DOCK10: variants seen among roughly 807,000 people sequenced by gnomAD.
DOCK10 encodes dedicator of cytokinesis 10.
Under a neutral mutation model 280.1 loss-of-function variants are expected in DOCK10, and 145 were observed. The ratio of observed to expected loss-of-function variants is 0.52; its 90% CI spans 0.45 to 0.59. The LOEUF is 0.59. DOCK10 is among the 20% of genes least tolerant of loss of function. The pLI, the probability that DOCK10 is intolerant of heterozygous loss-of-function variation, is 0.00. For synonymous variants in DOCK10, 915 were observed against 942.2 expected (o/e 0.97, Z 0.53); for missense variants, 2,368 against 2,651.7 (o/e 0.89, Z 2.35).
At chr2:224,999,248 CTCT>C (rs143251884) in intron 1 of DOCK10, among the ~76,000 whole-genome samples, 10,855 of 135,228 alleles carry the variant, frequency 0.08, 568 homozygotes, top group African/African-American at 0.22. Flanking sequence ...CTGTCTCTCT[CTCT>C]TTTTTTTTTT....
intron 1 of DOCK10, among the ~76,000 whole-genome samples, chr2:224,949,653 A>T (rs1220955404): frequency 6.6e-6 from 1 of 152,212 alleles, no homozygotes. Flanking sequence ...ATCAAGGTAG[A>T]ATGGTTAAAA....
At chr2:224,911,045 C>T (rs553829648) in intron 3 of DOCK10, among the ~76,000 whole-genome samples, 63 of 151,878 alleles carry the variant, frequency 4.1e-4, no homozygotes, top group African/African-American at 1.4e-3. Context: ...TCATGTTGCC[C>T]AAGAGAGTTG....
intron 1 of DOCK10, among the ~76,000 whole-genome samples, chr2:225,040,831 CT>C (rs2106151885): frequency 6.6e-6 from 1 of 152,274 alleles, no homozygotes; most frequent in African/African-American, 2.4e-5. Flanking sequence ...CTTATCTCTA[CT>C]TTTACTCGAA....
intron 14 of DOCK10, 129 bp downstream of exon 14, chr2:224,862,535 G>T: frequency 1.5e-6 from 1 of 684,972 alleles, no homozygotes. Context: ...TTATGAAGAT[G>T]ACCATATTAG....
chr2:224,991,099 G>A (rs1284161176), intron 1 of DOCK10, among the ~76,000 whole-genome samples: 10 of 152,326 alleles, frequency 6.6e-5, no homozygotes, highest in South Asian at 2.1e-4. Flanking sequence ...GGATGTCCCC[G>A]GTGAAGGCAG....
intron 48 of DOCK10, among the ~76,000 whole-genome samples, chr2:224,788,220 T>G (rs1443029776): frequency 6.6e-6 from 1 of 152,162 alleles, no homozygotes; most frequent in Non-Finnish European, 1.5e-5. Flanking sequence ...CTAAATTCTT[T>G]GAGAGCAGGA....
intron 2 of DOCK10, among the ~76,000 whole-genome samples, chr2:224,919,292 CAT>C (rs1701549493): frequency 7.0e-6 from 1 of 142,946 alleles, no homozygotes; most frequent in Non-Finnish European, 1.5e-5. Context: ...TGTCTGTACA[CAT>C]GTGAATGGGT....
chr2:224,816,592 A>G (rs1437062835), intron 30 of DOCK10, 25 bp downstream of exon 30: 39 of 1,359,158 alleles, frequency 2.9e-5, no homozygotes, highest in Non-Finnish European at 4.1e-5. Context: ...GCAGGAACTG[A>G]GGAAAATTCT....
chr2:224,935,157 G>T (rs1011954626), intron 1 of DOCK10, among the ~76,000 whole-genome samples: 1 of 152,138 alleles, frequency 6.6e-6, no homozygotes, highest in South Asian at 2.1e-4. Flanking sequence ...GCCCCAGGGT[G>T]GTAAAACTGT....
chr2:224,776,583 A>G (rs1344787452), intron 51 of DOCK10, among the ~76,000 whole-genome samples: 1 of 152,072 alleles, frequency 6.6e-6, no homozygotes, highest in East Asian at 1.9e-4. Context: ...CCCAGACTCA[A>G]GGATTTCATG....
At chr2:224,872,358 C>T (rs1698344014) in intron 11 of DOCK10, among the ~76,000 whole-genome samples, 1 of 152,174 alleles carries the variant, frequency 6.6e-6, no homozygotes, top group African/African-American at 2.4e-5. Context: ...TTGAAATAGG[C>T]ATTGTTATTA....
At chr2:224,875,162 C>T (rs1050125070) in intron 8 of DOCK10, among the ~76,000 whole-genome samples, 17 of 152,192 alleles carry the variant, frequency 1.1e-4, no homozygotes, top group African/African-American at 3.9e-4. Context: ...ACACTGTAAA[C>T]ATTAATACTA....
At chr2:224,836,062 G>C (rs970676498) in intron 25 of DOCK10, among the ~76,000 whole-genome samples, 20 of 152,258 alleles carry the variant, frequency 1.3e-4, no homozygotes, top group African/African-American at 4.6e-4. Flanking sequence ...AACACCGGAG[G>C]GTTCTTAATG....
At chr2:224,901,556 G>A (rs1036461861) in intron 3 of DOCK10, among the ~76,000 whole-genome samples, 1 of 152,308 alleles carries the variant, frequency 6.6e-6, no homozygotes, top group South Asian at 2.1e-4. Context: ...AAGTCAACAT[G>A]GTCAAAGGCT....
intron 55 of DOCK10, among the ~76,000 whole-genome samples, chr2:224,768,198 G>A (rs1690184747): frequency 6.6e-6 from 1 of 152,112 alleles, no homozygotes; most frequent in Non-Finnish European, 1.5e-5. Flanking sequence ...ATTACAGCAT[G>A]AGCCACCGTG....
chr2:224,969,067 T>A (rs888658647), intron 1 of DOCK10, among the ~76,000 whole-genome samples: 1 of 152,240 alleles, frequency 6.6e-6, no homozygotes, highest in African/African-American at 2.4e-5. Context: ...GCTGTTCAGC[T>A]GTGATTTTTT....
At chr2:224,945,354 T>A (rs1461321502) in intron 1 of DOCK10, among the ~76,000 whole-genome samples, 1 of 152,156 alleles carries the variant, frequency 6.6e-6, no homozygotes, top group Non-Finnish European at 1.5e-5. Context: ...AGGCTCTTAT[T>A]TCTGACCAAT....
intron 1 of DOCK10, among the ~76,000 whole-genome samples, chr2:225,021,712 G>T (rs1319545621): frequency 6.6e-6 from 1 of 152,116 alleles, no homozygotes; most frequent in Non-Finnish European, 1.5e-5. Flanking sequence ...GCAGGTTTTT[G>T]TTGTTGTTGT....
intron 1 of DOCK10, among the ~76,000 whole-genome samples, chr2:225,005,410 A>G (rs1044286146): frequency 1.3e-5 from 2 of 152,256 alleles, no homozygotes; most frequent in African/African-American, 4.8e-5. Flanking sequence ...ATTGGATTTT[A>G]TACTAGAGCA....
Sources: allele counts gnomAD v4.1 joint callset (sites outside exome capture counted in the v4.1 genomes callset), GRCh38; gene constraint gnomAD v4.1.1; transcripts MANE v1.5; gene names NCBI Gene and HGNC (gene_info 2026-07-23, HGNC 2026-07-21).